The following FNDC1 variants were observed in gnomAD, a reference collection of about 807,000 sequenced individuals.
FNDC1 encodes the protein fibronectin type III domain-containing protein 1.
In FNDC1, 96 loss-of-function variants were observed where a neutral mutation model predicts 168.0. The observed-to-expected ratio is 0.57, with a 90% CI of 0.48 to 0.68. FNDC1 has a LOEUF of 0.68. Ranked by LOEUF, FNDC1 falls within the 30% of genes least tolerant of loss-of-function variation. The pLI is 0.00. For synonymous variants in FNDC1, 1,099 were observed against 1,025.9 expected (o/e 1.07, Z -1.36); for missense variants, 2,587 against 2,482.1 (o/e 1.04, Z -0.90).
rs751064912 is a variant in FNDC1, at chr6:159,251,486, T to C, written c.5019T>C (p.Phe1673=). 2 of 1,613,954 alleles carry C rather than the reference T, an allele frequency of 1.2e-6. No individual in the cohort carries two copies. The highest frequency in any genetic ancestry group is 1.1e-5 in the South Asian group (1 of 91,050). The change falls in exon 17 of 23, where the codon TTT becomes TTC. Residue 1673 remains phenylalanine, a synonymous_variant. Transcript: ENST00000297267. ...TGGCCGTGGAAGGTTGCCACTCATT[T>C]GTCATTGTGGACTGGGACAAAGCCA... ...TVVAVEGCHS[F]VIVDWDKATP... is the part of the protein sequence containing the mutation.
chr6:159,269,499 T>C (rs59951474), intron 22 of FNDC1, among the ~76,000 whole-genome samples: 36,417 of 81,432 alleles, frequency 0.45, 7,835 homozygotes, highest in Middle Eastern at 0.56. Flanking sequence ...TCTATCTATC[T>C]ATCCATCCAT....
At chr6:159,243,656 G>A (rs1450727832) in intron 14 of FNDC1, among the ~76,000 whole-genome samples, 1 of 152,082 alleles carries the variant, frequency 6.6e-6, no homozygotes, top group Non-Finnish European at 1.5e-5. Context: ...GAGTTGACTT[G>A]TAAAATATCC....
intron 19 of FNDC1, 72 bp from the exon 20 acceptor site, chr6:159,264,903 C>T (rs1777558180): frequency 7.7e-7 from 1 of 1,292,000 alleles, no homozygotes; most frequent in Non-Finnish European, 1.1e-6. Flanking sequence ...ATTTCAGTTA[C>T]ACTAACCATT....
intron 11 of FNDC1, 92 bp downstream of exon 11, chr6:159,234,571 CT>C (rs1410964584): frequency 8.7e-7 from 1 of 1,153,598 alleles, no homozygotes; most frequent in Non-Finnish European, 1.3e-6. Context: ...CATTTAGCAC[CT>C]ACTATGTCCA....
At chr6:159,185,585 A>T (rs1249430015) in intron 1 of FNDC1, among the ~76,000 whole-genome samples, 1 of 152,186 alleles carries the variant, frequency 6.6e-6, no homozygotes, top group African/African-American at 2.4e-5. Flanking sequence ...CTTTGCTGTC[A>T]TCATTCTCAA....
chr6:159,204,397 T>C (rs187600802), intron 4 of FNDC1, among the ~76,000 whole-genome samples: 118 of 152,266 alleles, frequency 7.7e-4, no homozygotes, highest in African/African-American at 2.7e-3. Flanking sequence ...CCTTCCAAAA[T>C]CTAGACTCCT....
In FNDC1 at chr6:159,271,297, C is replaced by T. The variant is rs77276657; in HGVS notation, c.5570-30C>T. 5.0e-4 allele frequency: 767 copies of T among 1,522,476 alleles called. 12 individuals carry two copies. In the East Asian group the frequency reaches 0.016, roughly 32 times the overall value. The allele number at this position is 1,522,476 out of a possible 1,614,324, so 94.3% of individuals were successfully genotyped here. On this transcript the variant is annotated intron_variant, in intron 22 of 22. Coordinates refer to ENST00000297267, the MANE Select transcript of FNDC1 (RefSeq NM_032532.3). Reference sequence around the variant, plus strand: ...TACCTGTTGGTTCAGGGGCCTCTGACGCTTTTCCCCTCTCCTGTTGCCCTT... The same window carrying T: ...TACCTGTTGGTTCAGGGGCCTCTGATGCTTTTCCCCTCTCCTGTTGCCCTT...
chr6:159,223,033 T>C (rs1446823986), intron 6 of FNDC1, among the ~76,000 whole-genome samples: 4 of 149,774 alleles, frequency 2.7e-5, no homozygotes, highest in Admixed American at 2.0e-4. Context: ...TTTCGCTCTG[T>C]TGCCCAGGCT....
intron 4 of FNDC1, among the ~76,000 whole-genome samples, chr6:159,204,086 G>A (rs934866502): frequency 2.0e-5 from 3 of 152,042 alleles, no homozygotes; most frequent in African/African-American, 7.2e-5. Context: ...TTTAGTTCGC[G>A]ACGCTTGCTC....
rs1193159613 is a variant in FNDC1 at position 159,233,434 on chromosome 6, C to G, written c.2922C>G (p.Arg974=). The change falls in exon 11 of 23, where the codon CGC becomes CGG. Residue 974 remains arginine, a synonymous_variant. Coordinates refer to ENST00000297267, the MANE Select transcript of FNDC1 (RefSeq NM_032532.3). The surrounding 1 kb of genome is among the most constrained non-coding windows in gnomAD (Gnocchi z 4.6). ...SPKAQPGSTD[R]HASPARPPAA... ...AAGCACAGCCAGGGTCCACAGACCG[C>G]CACGCGTCCCCTGCTCGTCCGCCCG... is the stretch of plus-strand genomic sequence containing the variant. 1 of 1,610,528 alleles carries G rather than the reference C, an allele frequency of 6.2e-7. No individual in the cohort carries two copies. The highest frequency in any genetic ancestry group is 1.7e-5 in the Admixed American group (1 of 59,758).
At chr6:159,266,341 G>A in intron 21 of FNDC1, 96 bp downstream of exon 21, 1 of 1,284,364 alleles carries the variant, frequency 7.8e-7, no homozygotes, top group Middle Eastern at 2.0e-4. Flanking sequence ...ATGTTTATGA[G>A]GGCTGGAGCT....
intron 15 of FNDC1, among the ~76,000 whole-genome samples, chr6:159,248,004 C>G (rs923007869): frequency 6.6e-6 from 1 of 152,198 alleles, no homozygotes; most frequent in South Asian, 2.1e-4. Context: ...CTCTAATTGT[C>G]TTAAATCACA....
Position 159,197,435 on chromosome 6 carries a change from C to G in FNDC1, c.114C>G (p.Asp38Glu). The G allele has an allele frequency of 6.2e-7, 1 of 1,611,082 alleles. No individual in the cohort carries two copies. Among genetic ancestry groups the G allele is most frequent in the Non-Finnish European group, 8.5e-7 (1 of 1,178,702 alleles). Residue 38 changes from aspartate (D) to glutamate (E), a missense_variant, in exon 2 of 23, where the codon GAC becomes GAG. By Grantham distance (45) the Asp-to-Glu change is conservative. Coordinates refer to ENST00000297267, the MANE Select transcript of FNDC1 (RefSeq NM_032532.3). ...PVASSAAASVDHPLKPRHVKL... is the reference protein window; with the variant it reads ...PVASSAAASVEHPLKPRHVKL... Reference sequence around the variant, plus strand: ...ATAGTTGCGCTGTTTACATAGTTGACCACCCACTGAAGCCAAGGCATGTGA... The same window carrying G: ...ATAGTTGCGCTGTTTACATAGTTGAGCACCCACTGAAGCCAAGGCATGTGA...
At chr6:159,220,663 T>C (rs1291612042) in intron 5 of FNDC1, among the ~76,000 whole-genome samples, 3 of 152,230 alleles carry the variant, frequency 2.0e-5, no homozygotes, top group Non-Finnish European at 4.4e-5. Flanking sequence ...CCATAGTAAT[T>C]GAGAGGACAA....
intron 11 of FNDC1, 28 bp from the exon 12 acceptor site, chr6:159,236,187 T>C (rs779514680): frequency 6.5e-7 from 1 of 1,542,478 alleles, no homozygotes; most frequent in Non-Finnish European, 8.9e-7. Flanking sequence ...TACCAGGCTC[T>C]GTTATTTTTA....
chr6:159,267,195 C>T (rs1273166226), intron 21 of FNDC1, among the ~76,000 whole-genome samples: 2 of 152,108 alleles, frequency 1.3e-5, no homozygotes, highest in Non-Finnish European at 2.9e-5. Flanking sequence ...GTATATGCTT[C>T]TCCCAACAAG....
chr6:159,198,852 C>T (rs1453056543), intron 2 of FNDC1, among the ~76,000 whole-genome samples: 1 of 152,204 alleles, frequency 6.6e-6, no homozygotes, highest in Non-Finnish European at 1.5e-5. Flanking sequence ...ATTTTGCATT[C>T]TGTCTGACCC....
intron 7 of FNDC1, among the ~76,000 whole-genome samples, chr6:159,224,300 A>G (rs960254311): frequency 6.6e-6 from 1 of 152,206 alleles, no homozygotes; most frequent in Admixed American, 6.5e-5. Context: ...AGTGAACATC[A>G]TTTCTAGTTA....
At chr6:159,210,733 G>A (rs546491869) in intron 4 of FNDC1, among the ~76,000 whole-genome samples, 39 of 152,264 alleles carry the variant, frequency 2.6e-4, no homozygotes, top group Non-Finnish European at 4.0e-4. Flanking sequence ...AGGCAGCACC[G>A]GGCCTGGGCA....
Sources: allele counts gnomAD v4.1 joint callset (sites outside exome capture counted in the v4.1 genomes callset), GRCh38; gene constraint gnomAD v4.1.1; non-coding constraint Gnocchi (gnomAD v3.1); transcripts MANE v1.5; gene names NCBI Gene and HGNC (gene_info 2026-07-23, HGNC 2026-07-21).